The following KYNU variants were observed in gnomAD, a reference collection of about 807,000 sequenced individuals.
The protein encoded by KYNU is kynureninase.
KYNU carries 54 observed loss-of-function variants against 59.2 expected under a neutral mutation model. That is an observed-to-expected ratio of 0.91 (90% CI 0.73 to 1.14). The LOEUF is 1.14. KYNU is among the 50% of genes most tolerant of loss of function. The probability of loss-of-function intolerance (pLI) is 0.00; values close to 1 mark genes in which losing one functional copy is unlikely to be tolerated. For missense variants in KYNU, 567 were observed against 554.4 expected (o/e 1.02, Z -0.23); for synonymous variants, 177 against 192.0 (o/e 0.92, Z 0.65).
rs1687082639 is a variant in KYNU, at chr2:143,042,470, T to A, written c.*298T>A. ...GTCATTGAAATGTTTTATGTTGGTT[T>A]AATTTCTGATTTAACTGACAACTTC... On this transcript the variant is annotated 3_prime_UTR_variant, in exon 14 of 14. Coordinates refer to ENST00000264170, the MANE Select transcript of KYNU (RefSeq NM_003937.3). The A allele has an allele frequency of 4.5e-6, 1 of 220,182 alleles. No homozygotes were observed. The allele number at this position is 220,182 out of a possible 1,614,324, so 13.6% of individuals were successfully genotyped here.
intron 10 of KYNU, among the ~76,000 whole-genome samples, chr2:143,016,267 C>G (rs892523343): frequency 6.6e-6 from 1 of 152,224 alleles, no homozygotes; most frequent in Non-Finnish European, 1.5e-5. Context: ...ACCTCTGAGG[C>G]AAGACCTCAT....
chr2:142,924,146 C>T (rs1407175164), intron 3 of KYNU, among the ~76,000 whole-genome samples: 1 of 152,004 alleles, frequency 6.6e-6, no homozygotes, highest in Non-Finnish European at 1.5e-5. Flanking sequence ...ACTCTGTTGC[C>T]CAGGCTGGAG....
At chr2:142,885,075 G>A (rs1351761571) in intron 1 of KYNU, among the ~76,000 whole-genome samples, 1 of 117,268 alleles carries the variant, frequency 8.5e-6, no homozygotes, top group African/African-American at 3.3e-5. Context: ...ATGTTGGCCA[G>A]GCTGGTCTCA....
At chr2:142,934,853 G>T (rs930079062) in intron 4 of KYNU, among the ~76,000 whole-genome samples, 8 of 152,176 alleles carry the variant, frequency 5.3e-5, no homozygotes, top group African/African-American at 1.9e-4. Flanking sequence ...CTCCGGTGGG[G>T]TCCTCCGCAA....
intron 8 of KYNU, among the ~76,000 whole-genome samples, chr2:142,965,047 C>A (rs931802105): frequency 6.6e-6 from 1 of 152,168 alleles, no homozygotes; most frequent in Admixed American, 6.6e-5. Flanking sequence ...TTCTGATTGT[C>A]CCCTGCATTG....
At chr2:142,973,142 G>A (rs903437150) in intron 8 of KYNU, among the ~76,000 whole-genome samples, 3 of 149,788 alleles carry the variant, frequency 2.0e-5, no homozygotes, top group Non-Finnish European at 3.0e-5. Context: ...TCATATAATG[G>A]CAAATTGGTG....
intron 2 of KYNU, among the ~76,000 whole-genome samples, chr2:142,911,335 T>C (rs1285970279): frequency 1.3e-5 from 2 of 152,156 alleles, no homozygotes; most frequent in Non-Finnish European, 2.9e-5. Context: ...GCAAATGGGA[T>C]TGTATTATTG....
chr2:142,905,967 T>C (rs1682279115), intron 2 of KYNU, among the ~76,000 whole-genome samples: 1 of 151,432 alleles, frequency 6.6e-6, no homozygotes. Context: ...TTACTACTTC[T>C]ATCTTTCTAT....
chr2:143,031,777 A>G (rs1390611126), intron 11 of KYNU, among the ~76,000 whole-genome samples: 1 of 152,212 alleles, frequency 6.6e-6, no homozygotes, highest in Non-Finnish European at 1.5e-5. Flanking sequence ...CCATATGGCC[A>G]TATATTAGTC....
chr2:143,032,289 C>CAA (rs1038644031), intron 11 of KYNU, among the ~76,000 whole-genome samples: 1 of 74,992 alleles, frequency 1.3e-5, no homozygotes. Flanking sequence ...AAAACAAAAA[C>CAA]AAAAAAAAAA....
chr2:143,011,806 C>T lies in KYNU; in HGVS notation c.903-17821C>T, dbSNP rs868592498. Among the ~76,000 whole-genome samples, 124 of 124,402 alleles carry T rather than the reference C, an allele frequency of 1.0e-3. 1 individual carries two copies. The highest frequency in any genetic ancestry group is 3.7e-3 in the African/African-American group (116 of 31,118). 81.6% of individuals were successfully genotyped at this position (124,402 alleles called of 152,430 possible). A position where few individuals can be genotyped will look rare whatever the true frequency, so the allele number is the denominator to read the frequency against. On this transcript the variant is annotated intron_variant, in intron 10 of 13. Transcript: ENST00000264170. ...GAAATCATCATTCTCAGTAAACTAT[C>T]ACAAGAACAAAAAACCAAACACCGC...
At chr2:143,008,258 C>CG (rs1685975810) in intron 10 of KYNU, among the ~76,000 whole-genome samples, 2 of 114,940 alleles carry the variant, frequency 1.7e-5, no homozygotes, top group African/African-American at 4.0e-5. Flanking sequence ...GGTTGCAATC[C>CG]TAGTCTCTGA....
chr2:143,038,341 C>T (rs533996351), intron 12 of KYNU, among the ~76,000 whole-genome samples: 97 of 152,252 alleles, frequency 6.4e-4, no homozygotes, highest in Non-Finnish European at 1.2e-3. Flanking sequence ...AGCTGTGGCC[C>T]GTGCCTTGCC....
In KYNU at chr2:143,007,687, C is replaced by T. The variant is rs1172649317; in HGVS notation, c.902+21666C>T. Among the ~76,000 whole-genome samples, 5 of 119,846 alleles carry T rather than the reference C, an allele frequency of 4.2e-5. 1 individual carries two copies. The highest frequency in any genetic ancestry group is 1.5e-4 in the African/African-American group (4 of 26,536). The allele number at this position is 119,846 out of a possible 152,430, so 78.6% of individuals were successfully genotyped here. On this transcript the variant is annotated intron_variant, in intron 10 of 13. Coordinates refer to ENST00000264170, the MANE Select transcript of KYNU (RefSeq NM_003937.3). ...GTCGGGTTACCGTCAAAGGGAAGCCCATCAGACTAACAGCGGATCTCTCGG... is the reference window on the plus strand; with the variant it reads ...GTCGGGTTACCGTCAAAGGGAAGCCTATCAGACTAACAGCGGATCTCTCGG...
In KYNU at chr2:143,051,543, C is replaced by T. The variant is rs1035268875; in HGVS notation, c.*9371C>T. On this transcript the variant is annotated 3_prime_UTR_variant, in exon 14 of 14. Transcript: ENST00000264170. ...AACTTGTTTGATTTTGTAGTTTTATCTTTGTGGGAAGGACCTGGTAAGAGG... is the reference window on the plus strand; with the variant it reads ...AACTTGTTTGATTTTGTAGTTTTATTTTTGTGGGAAGGACCTGGTAAGAGG... 6.6e-6 allele frequency: 1 copy of T among 151,846 alleles called. No homozygotes were observed. The highest frequency in any genetic ancestry group is 1.5e-5 in the Non-Finnish European group (1 of 67,948). 9.4% of individuals were successfully genotyped at this position (151,846 alleles called of 1,614,324 possible). A position where few individuals can be genotyped will look rare whatever the true frequency, so the allele number is the denominator to read the frequency against.
At chr2:143,030,219 C>G (rs545026992) in intron 11 of KYNU, among the ~76,000 whole-genome samples, 3 of 152,216 alleles carry the variant, frequency 2.0e-5, no homozygotes, top group Non-Finnish European at 2.9e-5. Flanking sequence ...CTCATTTTCA[C>G]TCCTCTTTTT....
At chr2:143,011,439 A>G (rs1253302862) in intron 10 of KYNU, among the ~76,000 whole-genome samples, 2 of 132,710 alleles carry the variant, frequency 1.5e-5, no homozygotes, top group African/African-American at 3.1e-5. Context: ...ATGTGGAGAA[A>G]CAGGAACACT....
At position 143,052,760 on chromosome 2, in the gene KYNU, C is replaced by A. The variant is rs1186839512; in HGVS notation, c.*10588C>A. On this transcript the variant is annotated 3_prime_UTR_variant, in exon 14 of 14. Transcript: ENST00000264170. ...GCAGAAGTTTGCTGCAGGGGCAAGG[C>A]CCTCATGGAGAACCTCTGCTAGGGC... The A allele has an allele frequency of 6.6e-6, 1 of 152,290 alleles. No individual in the cohort carries two copies. The highest frequency in any genetic ancestry group is 1.5e-5 in the Non-Finnish European group (1 of 68,102). 9.4% of individuals were successfully genotyped at this position (152,290 alleles called of 1,614,324 possible).
intron 10 of KYNU, among the ~76,000 whole-genome samples, chr2:143,003,059 C>T (rs1181072971): frequency 6.6e-6 from 1 of 152,104 alleles, no homozygotes; most frequent in Non-Finnish European, 1.5e-5. Context: ...ACAATAAGTT[C>T]CCCTCAGTAC....
Sources: allele counts gnomAD v4.1 joint callset (sites outside exome capture counted in the v4.1 genomes callset), GRCh38; gene constraint gnomAD v4.1.1; transcripts MANE v1.5; gene names NCBI Gene and HGNC (gene_info 2026-07-23, HGNC 2026-07-21).